The following IARS2 variants were observed in gnomAD, a reference collection of about 807,000 sequenced individuals.
IARS2 encodes isoleucyl-tRNA synthetase 2, mitochondrial.
IARS2 carries 56 observed loss-of-function variants against 126.3 expected under a neutral mutation model. The observed-to-expected ratio is 0.44, with a 90% CI of 0.36 to 0.55. IARS2 has a LOEUF of 0.55. Among genes scored for constraint, IARS2 ranks in the 20% least tolerant of loss-of-function variants. IARS2 has a pLI of 0.00. For missense variants in IARS2, 1,127 were observed against 1,245.9 expected (o/e 0.90, Z 1.44); for synonymous variants, 407 against 441.1 (o/e 0.92, Z 0.97).
chr1:220,145,078 T>G (rs1328271086), intron 21 of IARS2, among the ~76,000 whole-genome samples: 1 of 145,480 alleles, frequency 6.9e-6, no homozygotes, highest in African/African-American at 2.5e-5. Context: ...CACCCAATGA[T>G]ACATGAAAAA....
intron 2 of IARS2, 88 bp downstream of exon 2, chr1:220,096,314 T>A: frequency 2.3e-6 from 2 of 862,998 alleles, no homozygotes; most frequent in Non-Finnish European, 1.7e-6. Context: ...ATGATAATTA[T>A]GTAAATTTAG....
rs34917733 is a variant in IARS2, at chr1:220,131,793, A to AT, written c.1838-2587dup. 6.8e-3 allele frequency among the ~76,000 whole-genome samples: 824 copies of AT among 120,568 alleles called. 2 individuals are homozygous for AT. The highest frequency in any genetic ancestry group is 0.029 in the East Asian group (116 of 4,010). The allele number at this position is 120,568 out of a possible 152,430, so 79.1% of individuals were successfully genotyped here. Reference sequence around the variant, plus strand: ...GAGCCACGATGCCTGGCCACGTTGAATTTTTTTTTTTTTTTTTTTTTTGAG... The same window carrying AT: ...GAGCCACGATGCCTGGCCACGTTGAATTTTTTTTTTTTTTTTTTTTTTTGAG... On this transcript the variant is annotated intron_variant, in intron 14 of 22. Coordinates refer to ENST00000366922, the MANE Select transcript of IARS2 (RefSeq NM_018060.4).
Position 220,138,469 on chromosome 1 carries a change from C to CA in IARS2, c.2175+434dup, listed in dbSNP as rs1205013476. On this transcript the variant is annotated intron_variant, in intron 17 of 22. Transcript: ENST00000366922. Reference sequence around the variant, plus strand: ...CTGGCGACAGAGCAAGACCTTGTCTCAAAAAAAACAAAAAACTCCTGTGTA... The same window carrying CA: ...CTGGCGACAGAGCAAGACCTTGTCTCAAAAAAAAACAAAAAACTCCTGTGTA... Among the ~76,000 whole-genome samples, 6 of 150,070 alleles carry CA rather than the reference C, an allele frequency of 4.0e-5. No homozygotes were observed. The East Asian group carries it at 7.8e-4, about 20-fold the overall frequency.
At chr1:220,132,478 G>A (rs994498778) in intron 14 of IARS2, among the ~76,000 whole-genome samples, 1 of 150,146 alleles carries the variant, frequency 6.7e-6, no homozygotes, top group African/African-American at 2.4e-5. Context: ...AGTCTGTGAT[G>A]ATCCTTTGTA....
chr1:220,138,290 G>C (rs1011150731), intron 17 of IARS2, among the ~76,000 whole-genome samples: 42 of 152,070 alleles, frequency 2.8e-4, no homozygotes, highest in Non-Finnish European at 7.4e-5. Flanking sequence ...GGCCAACATA[G>C]TGAAACCCTG....
At chr1:220,099,370 T>A (rs1269944921) in intron 2 of IARS2, among the ~76,000 whole-genome samples, 1 of 152,200 alleles carries the variant, frequency 6.6e-6, no homozygotes, top group East Asian at 1.9e-4. Flanking sequence ...TAAAGTATCA[T>A]TTCAACATAC....
intron 12 of IARS2, among the ~76,000 whole-genome samples, chr1:220,119,240 A>G (rs954703185): frequency 6.6e-6 from 1 of 152,094 alleles, no homozygotes; most frequent in Non-Finnish European, 1.5e-5. Flanking sequence ...GAAACCTAAG[A>G]AGGGACACGT....
intron 17 of IARS2, 43 bp from the exon 18 acceptor site, chr1:220,138,965 C>G (rs1223026461): frequency 6.4e-7 from 1 of 1,566,470 alleles, no homozygotes; most frequent in Middle Eastern, 1.7e-4. Flanking sequence ...TTGAAGGCAC[C>G]ATTAGATTTT....
At chr1:220,106,630 C>CTTTT (rs200435156) in intron 9 of IARS2, among the ~76,000 whole-genome samples, 1 of 138,278 alleles carries the variant, frequency 7.2e-6, no homozygotes. Context: ...CTTTTCTTTT[C>CTTTT]TTTTTTTTTT....
intron 10 of IARS2, among the ~76,000 whole-genome samples, chr1:220,108,515 A>G (rs1301696557): frequency 6.6e-6 from 1 of 151,572 alleles, no homozygotes. Context: ...TCTCTCGAGT[A>G]GCTGGGACTA....
Position 220,099,643 on chromosome 1 carries a change from G to C in IARS2, c.391-847G>C, listed in dbSNP as rs115002457. On this transcript the variant is annotated intron_variant, in intron 2 of 22. Coordinates refer to ENST00000366922, the MANE Select transcript of IARS2 (RefSeq NM_018060.4). ...GGTGAAGAGGACAGATGGGCTCTCTGATTTCATGGAGTTTATGTTTTACAG... is the reference window on the plus strand; with the variant it reads ...GGTGAAGAGGACAGATGGGCTCTCTCATTTCATGGAGTTTATGTTTTACAG... 9.3e-3 allele frequency among the ~76,000 whole-genome samples: 1,415 copies of C among 152,230 alleles called. 24 individuals are homozygous for C. The highest frequency in any genetic ancestry group is 0.032 in the African/African-American group (1,347 of 41,550).
intron 16 of IARS2, 23 bp from the exon 17 acceptor site, chr1:220,137,895 T>C: frequency 6.2e-7 from 1 of 1,613,460 alleles, no homozygotes; most frequent in Non-Finnish European, 8.5e-7. Context: ...ATTGTGTTTA[T>C]ATATTTTTTT....
At chr1:220,111,760 G>T (rs1377368543) in intron 11 of IARS2, among the ~76,000 whole-genome samples, 2 of 151,918 alleles carry the variant, frequency 1.3e-5, no homozygotes, top group African/African-American at 4.8e-5. Flanking sequence ...TTATTGGCCT[G>T]GCAATTTGGG....
chr1:220,146,950 G>T (rs544104302), intron 22 of IARS2, among the ~76,000 whole-genome samples: 39 of 152,258 alleles, frequency 2.6e-4, no homozygotes, highest in African/African-American at 8.2e-4. Flanking sequence ...GGGATTACAG[G>T]CTTGAGCCAC....
chr1:220,131,793 A>ATTTT (rs34917733), intron 14 of IARS2, among the ~76,000 whole-genome samples: 1 of 120,598 alleles, frequency 8.3e-6, no homozygotes. Context: ...GCCACGTTGA[A>ATTTT]TTTTTTTTTT....
At chr1:220,140,978 C>T (rs530286694) in intron 19 of IARS2, among the ~76,000 whole-genome samples, 4 of 135,484 alleles carry the variant, frequency 3.0e-5, no homozygotes, top group South Asian at 2.5e-4. Context: ...AGCAAGACTC[C>T]GTCTCAAAAA....
intron 11 of IARS2, among the ~76,000 whole-genome samples, chr1:220,112,555 C>CTTTTTT (rs750583631): frequency 8.6e-6 from 1 of 116,110 alleles, no homozygotes; most frequent in Non-Finnish European, 1.7e-5. Flanking sequence ...AAGATAAGCT[C>CTTTTTT]TTTTTTTTTT....
At chr1:220,108,065 AT>A (rs111268011) in intron 10 of IARS2, among the ~76,000 whole-genome samples, 95 of 145,062 alleles carry the variant, frequency 6.5e-4, no homozygotes, top group Middle Eastern at 3.6e-3. Context: ...CACCCAGCTA[AT>A]TTTTTTTTTT....
intron 21 of IARS2, chr1:220,144,358 G>A: frequency 1.5e-6 from 1 of 668,922 alleles, no homozygotes. Context: ...CATTGTGGTG[G>A]TGCAGAAAGA....
Sources: allele counts gnomAD v4.1 joint callset (sites outside exome capture counted in the v4.1 genomes callset), GRCh38; gene constraint gnomAD v4.1.1; transcripts MANE v1.5; gene names NCBI Gene and HGNC (gene_info 2026-07-23, HGNC 2026-07-21).